TENM2: variants seen among roughly 807,000 people sequenced by gnomAD.
TENM2 encodes the protein teneurin-2.
Under a neutral mutation model 245.2 loss-of-function variants are expected in TENM2, and 52 were observed. The observed-to-expected ratio is 0.21, with a 90% confidence interval of 0.17 to 0.27. The LOEUF (loss-of-function observed/expected upper bound fraction) is 0.27. TENM2 is among the 10% of genes least tolerant of loss of function. The pLI, the probability that TENM2 is intolerant of heterozygous loss-of-function variation, is 1.00. For synonymous variants in TENM2, 1,363 were observed against 1,438.9 expected, an observed-to-expected ratio of 0.95 and a Z score of 1.19; for missense variants, 3,046 against 3,666.8, an observed-to-expected ratio of 0.83 and a Z score of 4.37.
intron 7 of TENM2, among the ~76,000 whole-genome samples, chr5:168,078,605 T>A (rs7380815): frequency 0.063 from 9,579 of 152,274 alleles, 412 homozygotes; most frequent in South Asian, 0.14. Flanking sequence ...TTAATTTTTT[T>A]ATAAGGTGTA....
At chr5:167,982,147 C>T (rs1208792674) in intron 4 of TENM2, among the ~76,000 whole-genome samples, 2 of 152,172 alleles carry the variant, frequency 1.3e-5, no homozygotes, top group Non-Finnish European at 2.9e-5. Flanking sequence ...GCACAGGCTG[C>T]TCCTGCTGCC....
chr5:168,167,765 G>A (rs1016627348), intron 13 of TENM2, among the ~76,000 whole-genome samples: 8 of 152,128 alleles, frequency 5.3e-5, no homozygotes, highest in Admixed American at 6.5e-5. Flanking sequence ...GTCAGCCTTT[G>A]TATTCCAGCT....
chr5:168,195,337 G>A (rs769749552), intron 15 of TENM2, 42 bp downstream of exon 17: 28 of 1,553,938 alleles, frequency 1.8e-5, no homozygotes, highest in African/African-American at 1.5e-4. Flanking sequence ...AGGACCACAC[G>A]TGTGTGCAAA....
intron 2 of TENM2, among the ~76,000 whole-genome samples, chr5:167,655,729 A>C (rs1754797780): frequency 6.6e-6 from 1 of 152,216 alleles, no homozygotes; most frequent in Admixed American, 6.5e-5. Context: ...TGGCTAATCA[A>C]AGTATATGAT....
chr5:167,702,277 T>G (rs1384124025), intron 2 of TENM2, among the ~76,000 whole-genome samples: 1 of 152,124 alleles, frequency 6.6e-6, no homozygotes, highest in East Asian at 1.9e-4. Flanking sequence ...CTTCCATGCA[T>G]GGGTGACCAA....
At chr5:167,435,199 T>C (rs1764475646) in intron 2 of TENM2, among the ~76,000 whole-genome samples, 1 of 152,204 alleles carries the variant, frequency 6.6e-6, no homozygotes, top group Non-Finnish European at 1.5e-5. Flanking sequence ...GAGAATACTG[T>C]GTAGTCAATG....
At chr5:167,811,369 A>G (rs138238896) in intron 2 of TENM2, among the ~76,000 whole-genome samples, 4 of 152,002 alleles carry the variant, frequency 2.6e-5, no homozygotes, top group Non-Finnish European at 5.9e-5. Context: ...AGTGTGTGGC[A>G]TGCACACTCC....
intron 3 of TENM2, among the ~76,000 whole-genome samples, chr5:167,923,625 A>G (rs2151650185): frequency 6.6e-6 from 1 of 152,262 alleles, no homozygotes; most frequent in Non-Finnish European, 1.5e-5. Flanking sequence ...TGGTAAATGA[A>G]TGCCACATGT....
intron 4 of TENM2, among the ~76,000 whole-genome samples, chr5:167,959,174 C>G (rs1240751013): frequency 6.6e-6 from 1 of 150,522 alleles, no homozygotes; most frequent in African/African-American, 2.4e-5. Flanking sequence ...AGGCTTAGTT[C>G]ATTCCTTTTC....
At chr5:167,447,450 G>A (rs1765299021) in intron 2 of TENM2, among the ~76,000 whole-genome samples, 1 of 152,128 alleles carries the variant, frequency 6.6e-6, no homozygotes, top group African/African-American at 2.4e-5. Context: ...GTTTCTCTTT[G>A]CTTGTTTGGT....
chr5:167,858,772 G>A (rs969361191), intron 2 of TENM2, among the ~76,000 whole-genome samples: 6 of 150,616 alleles, frequency 4.0e-5, no homozygotes, highest in African/African-American at 2.4e-5. Flanking sequence ...AGTTCAGCGG[G>A]CAGCGGAGCT....
intron 2 of TENM2, among the ~76,000 whole-genome samples, chr5:167,785,208 ACT>A (rs752309302): frequency 4.6e-5 from 7 of 151,784 alleles, no homozygotes; most frequent in African/African-American, 7.3e-5. Flanking sequence ...ATCCTAGCAC[ACT>A]CTCATTTCTG....
chr5:168,132,128 G>C (rs1222352431), intron 12 of TENM2, among the ~76,000 whole-genome samples: 1 of 151,336 alleles, frequency 6.6e-6, no homozygotes, highest in Non-Finnish European at 1.5e-5. Context: ...CAGACAGTCT[G>C]CCAGAGGTTT....
chr5:167,914,157 C>T (rs775097199), intron 3 of TENM2, among the ~76,000 whole-genome samples: 2 of 152,164 alleles, frequency 1.3e-5, no homozygotes, highest in Admixed American at 6.5e-5. Context: ...ACAAGTTCAG[C>T]ATTACTTCCC....
chr5:168,109,980 G>A (rs1051910664), intron 9 of TENM2, among the ~76,000 whole-genome samples: 3 of 151,888 alleles, frequency 2.0e-5, no homozygotes, highest in East Asian at 1.9e-4. Context: ...ATCACTTCGC[G>A]GGGCTTCAGT....
chr5:168,183,838 A>T lies in TENM2; in HGVS notation c.2570-6499A>T, dbSNP rs115920573. Among the ~76,000 whole-genome samples, 918 of 151,174 alleles carry T rather than the reference A, an allele frequency of 6.1e-3. 6 individuals are homozygous for T. Among genetic ancestry groups the T allele is most frequent in the Non-Finnish European group, 8.6e-3 (582 of 67,968 alleles). ...CCCATATGATGCCAAGAAGACTCAA[A>T]AAGAAAAAGAAAAAAAAAACATAGA... is the stretch of plus-strand genomic sequence containing the variant. On this transcript the variant is annotated intron_variant, in intron 13 of 28. Transcript: ENST00000518659.
the TENM2 span, among the ~76,000 whole-genome samples, chr5:167,037,446 TTTC>T: frequency 5.9e-5 from 9 of 152,242 alleles, no homozygotes; most frequent in African/African-American, 2.2e-4. Context: ...GAGATTTTTG[TTTC>T]TTAACTTCTT....
At chr5:167,217,922 A>G in the TENM2 span, among the ~76,000 whole-genome samples, 1 of 151,760 alleles carries the variant, frequency 6.6e-6, no homozygotes, top group Admixed American at 6.6e-5. Flanking sequence ...GCACAATGCT[A>G]TTGCAGGACC....
intron 1 of TENM2, among the ~76,000 whole-genome samples, chr5:167,370,550 T>C (rs1218202271): frequency 6.6e-6 from 1 of 152,208 alleles, no homozygotes; most frequent in African/African-American, 2.4e-5. Context: ...TTGCTTTATG[T>C]AAATATTATA....
Sources: gnomAD v4.1 joint callset for allele counts (sites outside exome capture counted in the v4.1 genomes callset) on GRCh38, gnomAD v4.1.1 for gene constraint, MANE v1.5 for transcripts, NCBI Gene and HGNC (gene_info 2026-07-23, HGNC 2026-07-21) for gene names.